The following ANKS1B variants were observed in gnomAD, a reference collection of about 807,000 sequenced individuals.
The protein encoded by ANKS1B is ankyrin repeat and sterile alpha motif domain-containing protein 1B.
A neutral mutation model predicts 148.3 loss-of-function variants in ANKS1B; 36 were observed. The ratio of observed to expected loss-of-function variants is 0.24; its 90% CI spans 0.19 to 0.32. The LOEUF (loss-of-function observed/expected upper bound fraction) is 0.32, where lower values mean the gene tolerates loss of function less well. Among genes scored for constraint, ANKS1B ranks in the 10% least tolerant of loss-of-function variants. The pLI is 1.00. For missense variants in ANKS1B, 1,157 were observed against 1,542.6 expected, an observed-to-expected ratio of 0.75 and a Z score of 4.19; for synonymous variants, 542 against 560.8, an observed-to-expected ratio of 0.97 and a Z score of 0.47.
intron 9 of ANKS1B, among the ~76,000 whole-genome samples, chr12:99,654,777 T>C (rs2098441953): frequency 6.6e-6 from 1 of 152,228 alleles, no homozygotes; most frequent in Non-Finnish European, 1.5e-5. Flanking sequence ...TTTAAACTGA[T>C]ATATTTCTGG....
At chr12:99,800,461 A>C (rs1014162924) in intron 4 of ANKS1B, among the ~76,000 whole-genome samples, 5 of 143,778 alleles carry the variant, frequency 3.5e-5, no homozygotes, top group South Asian at 2.2e-4. Flanking sequence ...AAAAAAAAAA[A>C]CGGAGGAAAA....
chr12:98,978,900 T>C (rs2099903302), intron 17 of ANKS1B, among the ~76,000 whole-genome samples: 1 of 152,010 alleles, frequency 6.6e-6, no homozygotes, highest in Non-Finnish European at 1.5e-5. Context: ...TCCCAGCATT[T>C]TGGGAGGCCG....
rs1367139984 is a variant in ANKS1B, at chr12:99,655,157, A to G, written c.1182T>C (p.Asp394=). Residue 394 remains aspartate, a synonymous_variant, in exon 9 of 27, where the codon GAT becomes GAC. Transcript: ENST00000683438. ...LSPGEVEEED[D]DENTCGPSGL... is the part of the protein sequence containing the mutation. ...CTGATGGCCCACACGTATTTTCATC[A>G]TCATCCTCTTCTTCCACTTCTCCTG... 2 of 1,612,720 alleles carry G rather than the reference A, an allele frequency of 1.2e-6. No individual in the cohort carries two copies. Among genetic ancestry groups the G allele is most frequent in the Non-Finnish European group, 1.7e-6 (2 of 1,179,172 alleles).
intron 1 of ANKS1B, among the ~76,000 whole-genome samples, chr12:99,848,139 C>A (rs2153703774): frequency 6.6e-6 from 1 of 152,126 alleles, no homozygotes; most frequent in South Asian, 2.1e-4. Context: ...AGGCTGACTG[C>A]ATGGTGTGAT....
chr12:99,398,295 G>A (rs1312979850), intron 12 of ANKS1B, among the ~76,000 whole-genome samples: 1 of 152,012 alleles, frequency 6.6e-6, no homozygotes. Context: ...TATATTTCCA[G>A]AATGTTTGTG....
intron 14 of ANKS1B, among the ~76,000 whole-genome samples, chr12:99,233,519 A>G (rs2087261237): frequency 6.6e-6 from 1 of 152,172 alleles, no homozygotes; most frequent in Non-Finnish European, 1.5e-5. Flanking sequence ...TCTGCACAAT[A>G]TGAGGCATTG....
chr12:99,380,254 A>G (rs1415765266), intron 12 of ANKS1B, among the ~76,000 whole-genome samples: 2 of 152,230 alleles, frequency 1.3e-5, no homozygotes, highest in Non-Finnish European at 2.9e-5. Context: ...TTCACCAGCT[A>G]TATTTGTAGA....
chr12:99,473,911 A>G (rs529777559), intron 10 of ANKS1B, among the ~76,000 whole-genome samples: 19 of 152,188 alleles, frequency 1.2e-4, no homozygotes, highest in African/African-American at 4.6e-4. Flanking sequence ...CAATCCTACC[A>G]ATCTTCTTAA....
intron 17 of ANKS1B, among the ~76,000 whole-genome samples, chr12:98,903,183 T>C (rs545413182): frequency 6.6e-6 from 1 of 152,302 alleles, no homozygotes; most frequent in East Asian, 1.9e-4. Context: ...AATTGAATCT[T>C]AGGATAAAAT....
chr12:98,849,517 A>G (rs1461850376), intron 17 of ANKS1B, among the ~76,000 whole-genome samples: 2 of 152,222 alleles, frequency 1.3e-5, no homozygotes, highest in Non-Finnish European at 2.9e-5. Context: ...TTTATGAAGC[A>G]CTTGAATCTT....
In ANKS1B at chr12:99,154,325, G is replaced by C; in HGVS notation, c.2490C>G (p.His830Gln). The change falls in exon 15 of 27, where the codon CAC becomes CAG. Residue 830 changes from histidine (H) to glutamine (Q), a missense_variant. Around this residue, in one of 6 missense-constraint regions of ANKS1B, gnomAD observed 258 missense variants for 497.0 expected, o/e 0.52. Coordinates refer to ENST00000683438, the MANE Select transcript of ANKS1B (RefSeq NM_001352186.2). ...CATTGTCAAATCCATTAGCCATCAGGTGGTTCTCGTACTGAGGTAGCCCAA... is the reference window on the plus strand; with the variant it reads ...CATTGTCAAATCCATTAGCCATCAGCTGGTTCTCGTACTGAGGTAGCCCAA... ...ESIGLPQYEN[H>Q]LMANGFDNVQ... 1 of 1,613,760 alleles carries C rather than the reference G, an allele frequency of 6.2e-7. No homozygotes were observed. The highest frequency in any genetic ancestry group is 8.5e-7 in the Non-Finnish European group (1 of 1,179,714).
intron 15 of ANKS1B, among the ~76,000 whole-genome samples, chr12:99,142,009 G>A (rs1217600946): frequency 6.6e-6 from 1 of 151,914 alleles, no homozygotes; most frequent in Non-Finnish European, 1.5e-5. Context: ...GAGTTTGAGG[G>A]GTCAGTAGAA....
chr12:99,632,277 T>TG, intron 9 of ANKS1B, among the ~76,000 whole-genome samples: 1 of 151,510 alleles, frequency 6.6e-6, no homozygotes, highest in Admixed American at 6.6e-5. Context: ...CTTGGCAGCC[T>TG]CCACCCAGAT....
At chr12:98,957,278 C>T (rs1401943676) in intron 17 of ANKS1B, among the ~76,000 whole-genome samples, 1 of 151,744 alleles carries the variant, frequency 6.6e-6, no homozygotes, top group Non-Finnish European at 1.5e-5. Context: ...GCATTGGATT[C>T]ACACACAGTG....
At chr12:99,725,729 T>C (rs1270108550) in intron 8 of ANKS1B, among the ~76,000 whole-genome samples, 1 of 152,128 alleles carries the variant, frequency 6.6e-6, no homozygotes, top group African/African-American at 2.4e-5. Flanking sequence ...GCATTTATTC[T>C]CAAATTGACC....
At chr12:99,654,711 C>T (rs569391561) in intron 9 of ANKS1B, among the ~76,000 whole-genome samples, 3 of 152,126 alleles carry the variant, frequency 2.0e-5, no homozygotes, top group Admixed American at 2.0e-4. Flanking sequence ...TTTTAAACAG[C>T]CATAATATGT....
At chr12:99,490,040 A>G (rs1312289062) in intron 10 of ANKS1B, among the ~76,000 whole-genome samples, 1 of 152,220 alleles carries the variant, frequency 6.6e-6, no homozygotes, top group Non-Finnish European at 1.5e-5. Context: ...GAATCCCAGT[A>G]TCTAGAGTGC....
At chr12:99,514,684 T>C (rs2096798238) in intron 9 of ANKS1B, among the ~76,000 whole-genome samples, 1 of 152,078 alleles carries the variant, frequency 6.6e-6, no homozygotes, top group African/African-American at 2.4e-5. Flanking sequence ...GTGTCAAAGA[T>C]AAAAATGACT....
intron 15 of ANKS1B, among the ~76,000 whole-genome samples, chr12:99,111,183 G>C (rs1236934462): frequency 6.6e-6 from 1 of 152,180 alleles, no homozygotes; most frequent in East Asian, 1.9e-4. Context: ...TAGAATGGCA[G>C]AATGCTCCTT....
Sources: allele counts gnomAD v4.1 joint callset (sites outside exome capture counted in the v4.1 genomes callset), GRCh38; gene constraint gnomAD v4.1.1; regional missense constraint gnomAD v4.1.1; transcripts MANE v1.5; gene names NCBI Gene and HGNC (gene_info 2026-07-23, HGNC 2026-07-21).